KSR2: variants seen among roughly 807,000 people sequenced by gnomAD.
KSR2 encodes the protein kinase suppressor of ras 2.
A neutral mutation model predicts 107.8 loss-of-function variants in KSR2; 25 were observed. That is an observed-to-expected ratio of 0.23 (90% CI 0.17 to 0.32). The LOEUF is 0.32. Ranked by LOEUF, KSR2 falls within the 10% of genes least tolerant of loss-of-function variation. The pLI, the probability that KSR2 is intolerant of heterozygous loss-of-function variation, is 1.00. For missense variants in KSR2, 887 were observed against 1,268.9 expected (o/e 0.70, Z 4.57); for synonymous variants, 480 against 507.0 (o/e 0.95, Z 0.71).
At chr12:117,822,133 C>T (rs2137081713) in intron 3 of KSR2, among the ~76,000 whole-genome samples, 1 of 152,290 alleles carries the variant, frequency 6.6e-6, no homozygotes, top group Non-Finnish European at 1.5e-5. Flanking sequence ...GAAAGTTACC[C>T]TATATGATCT....
intron 4 of KSR2, among the ~76,000 whole-genome samples, chr12:117,693,581 G>A (rs539196032): frequency 2.0e-5 from 3 of 152,340 alleles, no homozygotes; most frequent in African/African-American, 7.2e-5. Context: ...AGTCATGTCT[G>A]TGAATGCCCA....
intron 5 of KSR2, among the ~76,000 whole-genome samples, chr12:117,664,738 T>G (rs1023293294): frequency 6.6e-6 from 1 of 152,118 alleles, no homozygotes; most frequent in South Asian, 2.1e-4. Flanking sequence ...AGTGATACAA[T>G]GCAGGCTAGA....
At chr12:117,467,820 CATAGGCTGAATAAAAAAAAAAA>C (rs1871229721) in intron 19 of KSR2, 1 of 390,474 alleles carries the variant, frequency 2.6e-6, no homozygotes, top group South Asian at 1.7e-5. Context: ...GTTCAGTACA[CATAGGCTGAATAAAAAAAAAAA>C]ATGAATGAAT....
intron 5 of KSR2, among the ~76,000 whole-genome samples, chr12:117,610,750 A>AT (rs1288134001): frequency 6.6e-5 from 10 of 151,660 alleles, no homozygotes; most frequent in African/African-American, 2.4e-4. Context: ...AAAAAAAAAA[A>AT]AAAAACAGAT....
chr12:117,616,262 A>G (rs1881883042), intron 5 of KSR2, among the ~76,000 whole-genome samples: 1 of 152,214 alleles, frequency 6.6e-6, no homozygotes, highest in East Asian at 1.9e-4. Context: ...CAATCAATCA[A>G]TTTGGAAAAA....
intron 3 of KSR2, among the ~76,000 whole-genome samples, chr12:117,782,883 C>T (rs936854996): frequency 1.3e-5 from 2 of 152,096 alleles, no homozygotes; most frequent in African/African-American, 2.4e-5. Flanking sequence ...TAGACCCCTC[C>T]GCCCCACATA....
At chr12:117,845,648 T>G (rs1892673147) in intron 3 of KSR2, among the ~76,000 whole-genome samples, 1 of 152,012 alleles carries the variant, frequency 6.6e-6, no homozygotes, top group Non-Finnish European at 1.5e-5. Context: ...GAAATTGAAA[T>G]GCCTTAAAAG....
chr12:117,852,091 T>C (rs923998540), intron 3 of KSR2, among the ~76,000 whole-genome samples: 6 of 151,836 alleles, frequency 4.0e-5, no homozygotes, highest in African/African-American at 1.5e-4. Flanking sequence ...ACAATATAAA[T>C]TGTACTGTCC....
At chr12:117,774,131 T>G (rs1566007730) in intron 3 of KSR2, among the ~76,000 whole-genome samples, 1 of 152,096 alleles carries the variant, frequency 6.6e-6, no homozygotes, top group East Asian at 1.9e-4. Flanking sequence ...CAGAAAGCCC[T>G]TGGAAAGCTG....
At chr12:117,855,309 G>T in intron 3 of KSR2, 119 bp downstream of exon 3, 2 of 1,332,642 alleles carry the variant, frequency 1.5e-6, no homozygotes, top group East Asian at 2.4e-5. Context: ...TTTCGGATTT[G>T]CCCCCCAGGG....
At chr12:117,578,595 C>T (rs1255452314) in intron 7 of KSR2, among the ~76,000 whole-genome samples, 1 of 127,346 alleles carries the variant, frequency 7.9e-6, no homozygotes, top group Non-Finnish European at 1.6e-5. Context: ...GAGCAAGACT[C>T]CATCTCAAAA....
At chr12:117,480,988 G>A (rs1872139956) in intron 16 of KSR2, among the ~76,000 whole-genome samples, 2 of 152,072 alleles carry the variant, frequency 1.3e-5, no homozygotes, top group Non-Finnish European at 2.9e-5. Flanking sequence ...CTTGAGCCTC[G>A]GAGGTTGAAG....
chr12:117,894,789 C>A (rs1270634612), intron 1 of KSR2, among the ~76,000 whole-genome samples: 1 of 148,564 alleles, frequency 6.7e-6, no homozygotes, highest in East Asian at 2.1e-4. Context: ...ACCATGCCTG[C>A]TTCCCCTTTG....
At chr12:117,655,354 T>A (rs1175162302) in intron 5 of KSR2, among the ~76,000 whole-genome samples, 1 of 152,176 alleles carries the variant, frequency 6.6e-6, no homozygotes, top group Non-Finnish European at 1.5e-5. Flanking sequence ...TTCCCCATCA[T>A]CCTGAAGCAG....
intron 3 of KSR2, among the ~76,000 whole-genome samples, chr12:117,852,302 C>T (rs926050426): frequency 2.0e-5 from 3 of 151,676 alleles, no homozygotes; most frequent in African/African-American, 7.3e-5. Context: ...GTGGCATGCA[C>T]CTGTAGTCCC....
chr12:117,873,420 G>GAAGC (rs979041994), intron 1 of KSR2, among the ~76,000 whole-genome samples: 5 of 146,870 alleles, frequency 3.4e-5, no homozygotes, highest in African/African-American at 9.9e-5. Context: ...TATTCTAAGA[G>GAAGC]AAGCAAGGCC....
intron 10 of KSR2, among the ~76,000 whole-genome samples, chr12:117,535,718 A>G (rs973834503): frequency 6.6e-6 from 1 of 150,782 alleles, no homozygotes; most frequent in African/African-American, 2.4e-5. Context: ...GTATTTGAAC[A>G]CTCCAGCCTC....
intron 5 of KSR2, among the ~76,000 whole-genome samples, chr12:117,631,200 T>C (rs1325680458): frequency 2.0e-5 from 3 of 151,982 alleles, no homozygotes; most frequent in Admixed American, 6.6e-5. Flanking sequence ...ACTTGAGAGG[T>C]TGAAATGGGA....
intron 5 of KSR2, among the ~76,000 whole-genome samples, chr12:117,618,495 T>A (rs1882002774): frequency 6.6e-6 from 1 of 152,104 alleles, no homozygotes; most frequent in South Asian, 2.1e-4. Context: ...CCTTTCTTTC[T>A]GGAGTCATGG....
Sources: allele counts gnomAD v4.1 joint callset (sites outside exome capture counted in the v4.1 genomes callset), GRCh38; gene constraint gnomAD v4.1.1; transcripts MANE v1.5; gene names NCBI Gene and HGNC (gene_info 2026-07-23, HGNC 2026-07-21).